The following TRMT44 variants were observed in gnomAD, a reference collection of about 807,000 sequenced individuals.
The protein encoded by TRMT44 is tRNA methyltransferase 44 homolog, also known as probable tRNA (uracil-O(2)-)-methyltransferase.
Under a neutral mutation model 77.3 loss-of-function variants are expected in TRMT44, and 78 were observed. That is an observed-to-expected ratio of 1.01 (90% CI 0.84 to 1.22). The LOEUF is 1.22. Ranked by LOEUF, TRMT44 falls within the 50% of genes most tolerant of loss-of-function variation. The pLI is 0.00. For missense variants in TRMT44, 1,090 were observed against 964.4 expected, an observed-to-expected ratio of 1.13 and a Z score of -1.73; for synonymous variants, 391 against 383.3, an observed-to-expected ratio of 1.02 and a Z score of -0.23.
intron 2 of TRMT44, among the ~76,000 whole-genome samples, chr4:8,491,867 G>C (rs376604937): frequency 6.6e-6 from 1 of 152,224 alleles, no homozygotes; most frequent in African/African-American, 2.4e-5. Context: ...ACAGTGCAGC[G>C]GTGGGCTGAA....
chr4:8,471,175 C>G lies in TRMT44; in HGVS notation c.2019C>G (p.Leu673=), dbSNP rs756968334. 7 of 1,604,890 alleles carry G rather than the reference C, an allele frequency of 4.4e-6. No homozygotes were observed. In the East Asian group the frequency reaches 1.6e-4, roughly 36 times the overall value. The change falls in exon 10 of 11, where the codon CTC becomes CTG. Residue 673 remains leucine, a synonymous_variant. Transcript: ENST00000389737. ...KRECGGLQTL[L]RNSHQVFQVV... ...AGTGTGGGGGCCTGCAGACGCTGCT[C>G]CGGAACAGCCACCAGGTGTTCCAAG...
intron 3 of TRMT44, among the ~76,000 whole-genome samples, chr4:8,450,564 C>T (rs1350480534): frequency 6.6e-6 from 1 of 152,040 alleles, no homozygotes; most frequent in Non-Finnish European, 1.5e-5. Context: ...TTCATAATAA[C>T]ATGTGCTTAA....
intron 3 of TRMT44, among the ~76,000 whole-genome samples, chr4:8,450,779 T>G (rs2109101901): frequency 6.6e-6 from 1 of 150,900 alleles, no homozygotes; most frequent in Admixed American, 6.7e-5. Context: ...TAACCACAAT[T>G]TGTCATTTCC....
chr4:8,472,730 T>C (rs920701862), intron 10 of TRMT44, among the ~76,000 whole-genome samples: 1 of 152,148 alleles, frequency 6.6e-6, no homozygotes, highest in African/African-American at 2.4e-5. Context: ...CGCAGAAGCG[T>C]GTCCCTGAGG....
chr4:8,463,951 C>A, intron 6 of TRMT44, 34 bp from the exon 7 acceptor site: 1 of 1,583,550 alleles, frequency 6.3e-7, no homozygotes, highest in Non-Finnish European at 8.7e-7. Flanking sequence ...CAATGATTCA[C>A]AAAACATTTC....
At chr4:8,463,941 C>A (rs1726344776) in intron 6 of TRMT44, 44 bp from the exon 7 acceptor site, 7 of 1,548,950 alleles carry the variant, frequency 4.5e-6, no homozygotes, top group Middle Eastern at 1.7e-4. Flanking sequence ...AGTAGCTCTA[C>A]AATGATTCAC....
At position 8,461,510 on chromosome 4, in the gene TRMT44, T is replaced by G. The variant is rs1387873038; in HGVS notation, c.1204-2475T>G. Among the ~76,000 whole-genome samples the G allele has an allele frequency of 5.3e-5, 8 of 152,302 alleles. No individual in the cohort carries two copies. The East Asian group carries it at 1.2e-3, about 22-fold the overall frequency. ...GTAAGCCCAGACCCTAGGGAAGAGC[T>G]GGCTGCTGAGGGTGCCCCTTGGAGA... On this transcript the variant is annotated intron_variant, in intron 6 of 10. Transcript: ENST00000389737. This position sits in a 1 kb window ranked among gnomAD's most constrained non-coding sequence, Gnocchi z 4.6.
chr4:8,460,869 A>G (rs182948014), intron 6 of TRMT44, among the ~76,000 whole-genome samples: 1 of 148,954 alleles, frequency 6.7e-6, no homozygotes. Context: ...ATTTTTTTGG[A>G]GACAGGGTCT....
intron 7 of TRMT44, 150 bp from the exon 8 acceptor site, chr4:8,465,228 A>G (rs1726446053): frequency 2.7e-6 from 2 of 732,980 alleles, no homozygotes; most frequent in Admixed American, 2.7e-5. Flanking sequence ...AAAAGTGGAC[A>G]TTATATGCAA....
At chr4:8,496,384 G>C (rs536011874), downstream of TRMT44, among the ~76,000 whole-genome samples, 10 of 152,356 alleles carry the variant, frequency 6.6e-5, no homozygotes, top group South Asian at 1.9e-3. Flanking sequence ...CCGGCCTGCA[G>C]CAGCACCTTG....
chr4:8,494,670 T>A (rs1417521077), downstream of TRMT44, among the ~76,000 whole-genome samples: 1 of 152,168 alleles, frequency 6.6e-6, no homozygotes, highest in Admixed American at 6.5e-5. Context: ...CCACCTTGAG[T>A]GCATGTCATC....
At chr4:8,448,582 C>T (rs1194737685) in intron 2 of TRMT44, among the ~76,000 whole-genome samples, 3 of 152,220 alleles carry the variant, frequency 2.0e-5, no homozygotes, top group African/African-American at 7.2e-5. Flanking sequence ...CTCTGCAGCG[C>T]GCAGGGGCCA....
chr4:8,496,749 C>T (rs1261469823), downstream of TRMT44, among the ~76,000 whole-genome samples: 9 of 151,226 alleles, frequency 6.0e-5, no homozygotes, highest in South Asian at 6.4e-4. Flanking sequence ...AGTAAATTTT[C>T]GCCTCTAGGG....
At chr4:8,448,539 A>G (rs1725209793) in intron 2 of TRMT44, among the ~76,000 whole-genome samples, 1 of 152,246 alleles carries the variant, frequency 6.6e-6, no homozygotes, top group Non-Finnish European at 1.5e-5. Flanking sequence ...CATGAGGCCC[A>G]GGGAAGAGCG....
In TRMT44 at chr4:8,444,674, G is replaced by A. The variant is rs1230372838; in HGVS notation, c.620-1802G>A. The stretch of plus-strand genomic sequence containing the variant: ...TGGCCTCCCAAAGTGCCGGGGTTAC[G>A]GGCGTGAGCCACCTCTCCCGGCCAC... On this transcript the variant is annotated intron_variant, in intron 1 of 10. Transcript: ENST00000389737. This position sits in a 1 kb window ranked among gnomAD's most constrained non-coding sequence, Gnocchi z 4.0. 2.0e-5 allele frequency among the ~76,000 whole-genome samples: 3 copies of A among 152,142 alleles called. No homozygotes were observed. Among genetic ancestry groups the A allele is most frequent in the Non-Finnish European group, 2.9e-5 (2 of 68,010 alleles).
intron 2 of TRMT44, among the ~76,000 whole-genome samples, chr4:8,449,233 A>G (rs1432842769): frequency 1.3e-5 from 2 of 152,272 alleles, no homozygotes; most frequent in African/African-American, 4.8e-5. Context: ...GGCAAAATGC[A>G]CAGCAGCCTT....
chr4:8,491,070 A>G (rs1383448200), intron 2 of TRMT44, among the ~76,000 whole-genome samples: 1 of 151,018 alleles, frequency 6.6e-6, no homozygotes, highest in African/African-American at 2.4e-5. Flanking sequence ...CAGAGTGCCG[A>G]TTGGTGTATT....
chr4:8,501,860 G>T, the TRMT44 span, among the ~76,000 whole-genome samples: 10 of 152,152 alleles, frequency 6.6e-5, no homozygotes, highest in African/African-American at 2.4e-4. This position sits in a 1 kb window ranked among gnomAD's most constrained non-coding sequence, Gnocchi z 4.4. Context: ...CCAGAAGGCT[G>T]CCTGGAAGGT....
rs1209164342 is a variant in TRMT44 at position 8,446,375 on chromosome 4, T to C, written c.620-101T>C. 2 of 732,970 alleles carry C rather than the reference T, an allele frequency of 2.7e-6. No individual in the cohort carries two copies. Among genetic ancestry groups the C allele is most frequent in the South Asian group, 1.7e-5 (1 of 57,302 alleles). 45.4% of individuals were successfully genotyped at this position (732,970 alleles called of 1,614,324 possible). On this transcript the variant is annotated intron_variant, in intron 1 of 10. Coordinates refer to ENST00000389737, the MANE Select transcript of TRMT44 (RefSeq NM_152544.3). This position sits in a 1 kb window ranked among gnomAD's most constrained non-coding sequence, Gnocchi z 4.3. ...CCATTGTGAATAGAGTGCTGGGGGA[T>C]TGAAAGCATCGTGCTTGACTCATCC...
Sources: gnomAD v4.1 joint callset for allele counts (sites outside exome capture counted in the v4.1 genomes callset) on GRCh38, gnomAD v4.1.1 for gene constraint, Gnocchi (gnomAD v3.1) non-coding constraint, MANE v1.5 for transcripts, NCBI Gene and HGNC (gene_info 2026-07-23, HGNC 2026-07-21) for gene names.